The following ACTA2 variants were observed in gnomAD, a reference collection of about 807,000 sequenced individuals.
ACTA2 encodes actin alpha 2, smooth muscle, also known as actin, aortic smooth muscle.
A neutral mutation model predicts 39.5 loss-of-function variants in ACTA2; 12 were observed. The ratio of observed to expected loss-of-function variants is 0.30; its 90% CI spans 0.19 to 0.49. The LOEUF is 0.49. ACTA2 is among the 20% of genes least tolerant of loss of function. ACTA2 has a pLI of 0.99. For missense variants in ACTA2, 236 were observed against 498.8 expected, an observed-to-expected ratio of 0.47 and a Z score of 5.02; for synonymous variants, 158 against 180.6, an observed-to-expected ratio of 0.88 and a Z score of 1.00.
Position 88,939,492 on chromosome 10 carries a change from G to A in ACTA2, c.808+15C>T, listed in dbSNP as rs770785764. The A allele has an allele frequency of 3.1e-6, 5 of 1,612,286 alleles. No individual in the cohort carries two copies. The highest frequency in any genetic ancestry group is 4.5e-5 in the East Asian group (2 of 44,860). ...AATGACTCCCCTTCCCAGGAAAAGG[G>A]CGTTTGTTGCCTACCGATGAAGGAT... On this transcript the variant is annotated intron_variant, in intron 7 of 8. Coordinates refer to ENST00000224784, the MANE Select transcript of ACTA2 (RefSeq NM_001613.4).
chr10:88,937,673 A>G (rs1278392107), intron 8 of ACTA2, among the ~76,000 whole-genome samples: 13 of 152,206 alleles, frequency 8.5e-5, no homozygotes. Context: ...ACAGTGTTTG[A>G]AGTTCTTCAG....
intron 1 of ACTA2, among the ~76,000 whole-genome samples, chr10:88,949,803 A>G (rs1262111442): frequency 6.6e-6 from 1 of 152,208 alleles, no homozygotes; most frequent in Non-Finnish European, 1.5e-5. Context: ...CAAAAAGATT[A>G]ATCATATTTA....
intron 1 of ACTA2, among the ~76,000 whole-genome samples, chr10:88,979,132 A>C (rs1318498557): frequency 6.6e-6 from 1 of 152,182 alleles, no homozygotes; most frequent in Non-Finnish European, 1.5e-5. Context: ...ATAAAAATTA[A>C]GTACAATTAA....
intron 1 of ACTA2, among the ~76,000 whole-genome samples, chr10:88,976,351 T>C (rs1277978800): frequency 2.0e-5 from 3 of 152,214 alleles, no homozygotes; most frequent in African/African-American, 7.2e-5. Flanking sequence ...ATAATTAATA[T>C]ATTGATATTA....
chr10:88,969,843 G>A (rs1175698197), intron 1 of ACTA2, among the ~76,000 whole-genome samples: 2 of 152,164 alleles, frequency 1.3e-5, no homozygotes, highest in African/African-American at 4.8e-5. Context: ...CCAGTATCTA[G>A]CACAGTGCCT....
Position 88,939,819 on chromosome 10 carries a change from T to TG in ACTA2, c.617-122_617-121insC. ...GCCATCAAAAAATGTGTCAGTTCAA[T>TG]ATTCTGCAATCCAAAATCCACAATG... On this transcript the variant is annotated intron_variant, in intron 6 of 8. Transcript: ENST00000224784. 3 of 1,018,602 alleles carry TG rather than the reference T, an allele frequency of 2.9e-6. No homozygotes were observed. The South Asian group carries it at 4.1e-5, about 14-fold the overall frequency. 63.1% of individuals were successfully genotyped at this position (1,018,602 alleles called of 1,614,324 possible).
At chr10:88,942,565 G>C (rs1331357637) in intron 4 of ACTA2, among the ~76,000 whole-genome samples, 1 of 152,148 alleles carries the variant, frequency 6.6e-6, no homozygotes, top group African/African-American at 2.4e-5. Flanking sequence ...TAGAATGTCA[G>C]TGCCCCAGTT....
chr10:88,984,816 C>A (rs951173222), intron 1 of ACTA2, among the ~76,000 whole-genome samples: 3 of 152,146 alleles, frequency 2.0e-5, no homozygotes, highest in Non-Finnish European at 4.4e-5. Context: ...TGATCAGAGG[C>A]AATAATGGGA....
At chr10:88,980,707 T>C (rs974229549) in intron 1 of ACTA2, among the ~76,000 whole-genome samples, 2 of 152,204 alleles carry the variant, frequency 1.3e-5, no homozygotes. Context: ...ATGTCCCCCC[T>C]CTGGAGCAAG....
At chr10:88,975,883 T>C (rs1846550221) in intron 1 of ACTA2, among the ~76,000 whole-genome samples, 1 of 152,116 alleles carries the variant, frequency 6.6e-6, no homozygotes, top group Non-Finnish European at 1.5e-5. Flanking sequence ...CTACTCCCAT[T>C]GTGTTATACC....
chr10:88,954,766 A>G (rs1264206114), upstream of ACTA2, among the ~76,000 whole-genome samples: 1 of 152,198 alleles, frequency 6.6e-6, no homozygotes, highest in Non-Finnish European at 1.5e-5. Flanking sequence ...CAAATAATCT[A>G]TGACACTAAC....
chr10:88,955,415 CAG>C, upstream of ACTA2, among the ~76,000 whole-genome samples: 1 of 152,292 alleles, frequency 6.6e-6, no homozygotes, highest in South Asian at 2.1e-4. Flanking sequence ...TGAGAAGACA[CAG>C]TGAGAGCAAG....
intron 6 of ACTA2, chr10:88,940,078 T>C (rs554195339): frequency 1.0e-5 from 3 of 287,996 alleles, no homozygotes; most frequent in Non-Finnish European, 2.0e-5. Flanking sequence ...TGTTATATTG[T>C]ATTTTCAGTT....
intron 1 of ACTA2, among the ~76,000 whole-genome samples, chr10:88,966,749 T>A (rs1037454537): frequency 6.6e-6 from 1 of 152,168 alleles, no homozygotes; most frequent in Non-Finnish European, 1.5e-5. Flanking sequence ...TTTTCAGGGC[T>A]CCTGAGCAGG....
upstream of ACTA2, among the ~76,000 whole-genome samples, chr10:88,957,218 GA>G (rs1161355112): frequency 6.6e-6 from 1 of 152,168 alleles, no homozygotes; most frequent in Non-Finnish European, 1.5e-5. Context: ...ATGCTTTTCA[GA>G]ATGTCTAGAT....
chr10:88,986,327 T>A (rs981331350), intron 1 of ACTA2, among the ~76,000 whole-genome samples: 1 of 152,148 alleles, frequency 6.6e-6, no homozygotes, highest in African/African-American at 2.4e-5. Flanking sequence ...GACCACCATA[T>A]GCAAAAATGT....
chr10:88,988,416 G>GTTTTTTTTTTTT (rs748275082), intron 1 of ACTA2, among the ~76,000 whole-genome samples: 1 of 12,482 alleles, frequency 8.0e-5, no homozygotes, highest in Non-Finnish European at 1.3e-4. Flanking sequence ...AGATGTAGAA[G>GTTTTTTTTTTTT]TTTTTTTTTT....
intron 1 of ACTA2, among the ~76,000 whole-genome samples, chr10:88,958,717 A>G (rs1185159554): frequency 6.6e-6 from 1 of 152,188 alleles, no homozygotes; most frequent in Non-Finnish European, 1.5e-5. Context: ...AAGTGAACCC[A>G]GTATTAGCTC....
At chr10:88,991,258 C>A (rs1349712357) in exon 1 of ACTA2, 2 of 463,068 alleles carry the variant, frequency 4.3e-6, no homozygotes, top group African/African-American at 4.0e-5. Context: ...GTCTGGGAAG[C>A]TTTAGGGTCG....
Sources: allele counts gnomAD v4.1 joint callset (sites outside exome capture counted in the v4.1 genomes callset), GRCh38; gene constraint gnomAD v4.1.1; transcripts MANE v1.5; gene names NCBI Gene and HGNC (gene_info 2026-07-23, HGNC 2026-07-21).